The following ELFN2 variants were observed in gnomAD, a reference collection of about 807,000 sequenced individuals.
The protein encoded by ELFN2 is protein phosphatase 1 regulatory subunit 29.
Under a neutral mutation model 45.5 loss-of-function variants are expected in ELFN2, and 17 were observed. The ratio of observed to expected loss-of-function variants is 0.37; its 90% confidence interval spans 0.26 to 0.56. The LOEUF is 0.56. Ranked by LOEUF, ELFN2 falls within the 20% of genes least tolerant of loss-of-function variation. ELFN2 has a pLI of 0.77. For missense variants in ELFN2, 922 were observed against 1,183.2 expected (o/e 0.78, Z 3.24); for synonymous variants, 550 against 551.5 (o/e 1.00, Z 0.04).
At position 37,372,990 on chromosome 22, in the gene ELFN2, T is replaced by G. The variant is rs1931419165; in HGVS notation, c.*82A>C. The G allele has an allele frequency of 6.8e-7, 1 of 1,477,822 alleles. No homozygotes were observed. Among genetic ancestry groups the G allele is most frequent in the African/African-American group, 1.4e-5 (1 of 71,044 alleles). The allele number at this position is 1,477,822 out of a possible 1,614,324, so 91.5% of individuals were successfully genotyped here. A position where few individuals can be genotyped will look rare whatever the true frequency, so the allele number is the denominator to read the frequency against. ...CCTGGGCCTTGGCCCCCGAGTCTGCTCCCCGCCCTGGCCGCCTGGACCCTT... is the reference window on the plus strand; with the variant it reads ...CCTGGGCCTTGGCCCCCGAGTCTGCGCCCCGCCCTGGCCGCCTGGACCCTT... On this transcript the variant is annotated 3_prime_UTR_variant, in exon 3 of 3. Coordinates refer to ENST00000402918, the MANE Select transcript of ELFN2 (RefSeq NM_052906.5). This position sits in a 1 kb window ranked among gnomAD's most constrained non-coding sequence, Gnocchi z 4.4.
At chr22:37,390,872 G>C (rs1932070043) in intron 2 of ELFN2, among the ~76,000 whole-genome samples, 1 of 152,210 alleles carries the variant, frequency 6.6e-6, no homozygotes, top group South Asian at 2.1e-4. Flanking sequence ...GGCTGGCCCA[G>C]GGGGAGGCCC....
downstream of ELFN2, among the ~76,000 whole-genome samples, chr22:37,363,634 G>C (rs1008342160): frequency 2.0e-5 from 3 of 152,294 alleles, no homozygotes; most frequent in Non-Finnish European, 4.4e-5. Flanking sequence ...CCTAGGGAAG[G>C]AGAAGGGGCT....
intron 1 of ELFN2, among the ~76,000 whole-genome samples, chr22:37,425,037 G>A (rs915556744): frequency 2.6e-5 from 4 of 152,154 alleles, no homozygotes; most frequent in Non-Finnish European, 5.9e-5. Flanking sequence ...GCTCAGAGAG[G>A]CGACGCGAAT....
At chr22:37,408,126 CA>C (rs1932554050) in intron 2 of ELFN2, among the ~76,000 whole-genome samples, 1 of 152,218 alleles carries the variant, frequency 6.6e-6, no homozygotes. Flanking sequence ...ATGATCCCCC[CA>C]GGGGCTGCGG....
At chr22:37,397,039 GC>G (rs1422553001) in intron 2 of ELFN2, among the ~76,000 whole-genome samples, 8 of 152,288 alleles carry the variant, frequency 5.3e-5, no homozygotes, top group Non-Finnish European at 8.8e-5. Context: ...CAGGGCTAGA[GC>G]CTAAGCTCCT....
At chr22:37,416,697 T>C (rs1932763008) in intron 2 of ELFN2, among the ~76,000 whole-genome samples, 2 of 151,714 alleles carry the variant, frequency 1.3e-5, no homozygotes, top group Non-Finnish European at 2.9e-5. Context: ...CCACTGTGCC[T>C]CACTCCCCAG....
intron 2 of ELFN2, among the ~76,000 whole-genome samples, chr22:37,410,155 T>C (rs573176729): frequency 2.0e-5 from 3 of 151,864 alleles, no homozygotes; most frequent in African/African-American, 4.8e-5. Flanking sequence ...AGACAGGCGG[T>C]TGCGGCAAAC....
chr22:37,408,600 G>A (rs937044664), intron 2 of ELFN2, among the ~76,000 whole-genome samples: 5 of 152,196 alleles, frequency 3.3e-5, no homozygotes, highest in Admixed American at 1.3e-4. Context: ...CCTTCTTCCT[G>A]GACCACTCTC....
intron 2 of ELFN2, among the ~76,000 whole-genome samples, chr22:37,342,168 T>C (rs889137391): frequency 1.3e-5 from 2 of 152,180 alleles, no homozygotes. Flanking sequence ...AGTCTTCCCC[T>C]GAAGACTTGA....
intron 1 of ELFN2, among the ~76,000 whole-genome samples, chr22:37,426,322 A>G (rs1315686489): frequency 1.3e-5 from 2 of 150,848 alleles, no homozygotes; most frequent in Admixed American, 1.3e-4. Context: ...TTTGGACACA[A>G]GCTCCCCGAG....
At chr22:37,382,234 C>T (rs531293588) in intron 2 of ELFN2, among the ~76,000 whole-genome samples, 8 of 152,176 alleles carry the variant, frequency 5.3e-5, no homozygotes, top group African/African-American at 1.9e-4. Context: ...GACGATGTCC[C>T]GTCACCTGCA....
At chr22:37,403,598 G>A (rs557735727) in intron 2 of ELFN2, among the ~76,000 whole-genome samples, 15 of 152,258 alleles carry the variant, frequency 9.9e-5, no homozygotes, top group African/African-American at 2.2e-4. Context: ...CTGCGGCCTC[G>A]GGGTCTAGCG....
At chr22:37,347,590 C>T (rs1930727659) in intron 1 of ELFN2, among the ~76,000 whole-genome samples, 1 of 151,528 alleles carries the variant, frequency 6.6e-6, no homozygotes, top group African/African-American at 2.4e-5. Context: ...AAACACACTG[C>T]CCCAAGAGGT....
In ELFN2 at chr22:37,405,089, C is replaced by CTTT. The variant is rs1491573989; in HGVS notation, c.-463+12679_-463+12680insAAA. Among the ~76,000 whole-genome samples, 708 of 121,450 alleles carry CTTT rather than the reference C, an allele frequency of 5.8e-3. 86 individuals carry two copies. The highest frequency in any genetic ancestry group is 6.4e-3 in the African/African-American group (187 of 29,226). The allele number at this position is 121,450 out of a possible 152,430, so 79.7% of individuals were successfully genotyped here. ...GGCCCCTCACCTCCCTGAACCTCAG[C>CTTT]ATTTTTTTTTTTTTTTTTTTTTTGA... On this transcript the variant is annotated intron_variant, in intron 2 of 2. Transcript: ENST00000402918.
intron 2 of ELFN2, among the ~76,000 whole-genome samples, chr22:37,377,437 T>C (rs1931611756): frequency 6.6e-6 from 1 of 152,088 alleles, no homozygotes; most frequent in Non-Finnish European, 1.5e-5. Flanking sequence ...CCTCTGCCTC[T>C]CTCTCCTCCT....
At chr22:37,367,246 C>T (rs998856136), downstream of ELFN2, among the ~76,000 whole-genome samples, 4 of 152,200 alleles carry the variant, frequency 2.6e-5, no homozygotes, top group Non-Finnish European at 4.4e-5. Context: ...GAGGCTTGGG[C>T]GGTTCAGCCT....
intron 1 of ELFN2, among the ~76,000 whole-genome samples, chr22:37,362,283 C>T (rs1014202213): frequency 1.3e-5 from 2 of 152,210 alleles, no homozygotes; most frequent in Non-Finnish European, 2.9e-5. Context: ...GCCTCCTCCT[C>T]CCCCCGTCTC....
intron 1 of ELFN2, among the ~76,000 whole-genome samples, chr22:37,419,363 T>C (rs1008337422): frequency 3.3e-5 from 5 of 151,506 alleles, no homozygotes; most frequent in African/African-American, 9.7e-5. Context: ...AGACCTGTCC[T>C]CCCAGAGCAC....
chr22:37,418,502 G>A (rs140308818), intron 1 of ELFN2, among the ~76,000 whole-genome samples: 59 of 151,982 alleles, frequency 3.9e-4, no homozygotes, highest in African/African-American at 1.3e-3. Context: ...CAGCCTGGAG[G>A]TGTCTCCCCA....
Sources: gnomAD v4.1 joint callset for allele counts (sites outside exome capture counted in the v4.1 genomes callset) on GRCh38, gnomAD v4.1.1 for gene constraint, Gnocchi (gnomAD v3.1) non-coding constraint, MANE v1.5 for transcripts, NCBI Gene and HGNC (gene_info 2026-07-23, HGNC 2026-07-21) for gene names.